Variants in XYLT2 observed in about 807,000 individuals in gnomAD.
XYLT2 encodes xylosyltransferase 2, also known as UDP-D-xylose:proteoglycan core protein beta-D-xylosyltransferase.
XYLT2 carries 37 observed loss-of-function variants against 82.6 expected under a neutral mutation model. The ratio of observed to expected loss-of-function variants is 0.45; its 90% CI spans 0.34 to 0.59. The LOEUF (loss-of-function observed/expected upper bound fraction) is 0.59, where lower values mean the gene tolerates loss of function less well. XYLT2 is among the 20% of genes least tolerant of loss of function. The pLI, the probability that XYLT2 is intolerant of heterozygous loss-of-function variation, is 0.01. For synonymous variants in XYLT2, 474 were observed against 499.0 expected (o/e 0.95, Z 0.67); for missense variants, 934 against 1,181.3 (o/e 0.79, Z 3.07).
chr17:50,358,442 C>T lies in XYLT2; in HGVS notation c.2177C>T (p.Pro726Leu). The T allele has an allele frequency of 6.2e-7, 1 of 1,614,176 alleles. No homozygotes were observed. The highest frequency in any genetic ancestry group is 8.5e-7 in the Non-Finnish European group (1 of 1,180,044). The change falls in exon 10 of 11, where the codon CCC (proline) becomes CTC (leucine). Residue 726 changes from proline (P) to leucine (L), a missense_variant. Pro to Leu is a moderately conservative substitution (Grantham distance 98). This residue lies in a region of XYLT2 where 374 missense variants were observed against 465.6 expected (regional missense o/e 0.80). Coordinates refer to ENST00000017003, the MANE Select transcript of XYLT2 (RefSeq NM_022167.4). ...PPLSRPLRPGPWTVRLLQFWE... is the reference protein window; with the variant it reads ...PPLSRPLRPGLWTVRLLQFWE... ...CTGAGCCGGCCCCTGCGGCCAGGGCCCTGGACTGTTCGACTCCTTCAGTTC... is the reference window on the plus strand; with the variant it reads ...CTGAGCCGGCCCCTGCGGCCAGGGCTCTGGACTGTTCGACTCCTTCAGTTC...
chr17:50,347,589 G>A (rs998743816), intron 1 of XYLT2, among the ~76,000 whole-genome samples: 12 of 152,212 alleles, frequency 7.9e-5, no homozygotes, highest in Non-Finnish European at 1.3e-4. Flanking sequence ...TTCCAAGATG[G>A]AATGGGCTGC....
Position 50,357,192 on chromosome 17 carries a change from C to G in XYLT2, c.1881C>G (p.Pro627=), listed in dbSNP as rs1912579606. 4 of 1,611,456 alleles carry G rather than the reference C, an allele frequency of 2.5e-6. No individual in the cohort carries two copies. The highest frequency in any genetic ancestry group is 3.4e-6 in the Non-Finnish European group (4 of 1,179,740). ...PAETLEMWLM[P]QGSLKLLGRS... Reference sequence around the variant, plus strand: ...AGACGCTTGAGATGTGGCTGATGCCCCAAGGGTCGCTGAAGCTGTTGGGGC... The same window carrying G: ...AGACGCTTGAGATGTGGCTGATGCCGCAAGGGTCGCTGAAGCTGTTGGGGC... Residue 627 remains proline, a synonymous_variant, in exon 9 of 11, where the codon CCC becomes CCG. Transcript: ENST00000017003.
Position 50,358,487 on chromosome 17 carries a change from C to T in XYLT2, c.2222C>T (p.Thr741Ile), listed in dbSNP as rs1320313298. The T allele has an allele frequency of 2.5e-6, 4 of 1,614,036 alleles. No homozygotes were observed. Among genetic ancestry groups the T allele is most frequent in the Non-Finnish European group, 3.4e-6 (4 of 1,180,018 alleles). ...CAGTTCTGGGAACCGCTGGGTGAGA[C>T]CCGCTTCCTTGTGCTGCCCTTGACC... ...LLQFWEPLGE[T>I]RFLVLPLTFN... is the part of the protein sequence containing the mutation. Residue 741 changes from threonine to isoleucine, a missense_variant, in exon 10 of 11, where the codon ACC (threonine) becomes ATC (isoleucine). This residue lies in a region of XYLT2 where 374 missense variants were observed against 465.6 expected (regional missense o/e 0.80). Coordinates refer to ENST00000017003, the MANE Select transcript of XYLT2 (RefSeq NM_022167.4).
Position 50,353,799 on chromosome 17 carries a change from G to T in XYLT2, c.305G>T (p.Arg102Leu). The change falls in exon 2 of 11, where the codon CGG becomes CTG. Residue 102 changes from arginine to leucine, a missense_variant. By Grantham distance (102) the Arg-to-Leu change is moderately radical. Coordinates refer to ENST00000017003, the MANE Select transcript of XYLT2 (RefSeq NM_022167.4). ...AAGGTGGTACGGGCAGTAACCAGCC[G>T]GCAGAGAGCCAGCCGGCGGGTCCCA... is the stretch of plus-strand genomic sequence containing the variant. ...VAKVVRAVTS[R>L]QRASRRVPPA... is the part of the protein sequence containing the mutation. 6.4e-7 allele frequency: 1 copy of T among 1,569,106 alleles called. No homozygotes were observed. Among genetic ancestry groups the T allele is most frequent in the Non-Finnish European group, 8.6e-7 (1 of 1,157,786 alleles).
rs1912728072 is a variant in XYLT2, at chr17:50,359,963, C to T, written c.2276-6C>T. ...GGTGTGCTTACTGCCTGCTCTGCACCCACAGATGATGCCAGCTGGCTGCAC... is the reference window on the plus strand; with the variant it reads ...GGTGTGCTTACTGCCTGCTCTGCACTCACAGATGATGCCAGCTGGCTGCAC... On this transcript the variant is annotated splice_polypyrimidine_tract_variant and splice_region_variant and intron_variant, in intron 10 of 10. Coordinates refer to ENST00000017003, the MANE Select transcript of XYLT2 (RefSeq NM_022167.4). 6.3e-7 allele frequency: 1 copy of T among 1,584,526 alleles called. No individual in the cohort carries two copies.
chr17:50,360,396 C>A lies in XYLT2; in HGVS notation c.*105C>A. ...AAGAACCAGAGGCCCAGGCTGCACA[C>A]CCATTTCAGCCATCAAGAACCCACA... On this transcript the variant is annotated 3_prime_UTR_variant, in exon 11 of 11. Transcript: ENST00000017003. 2 of 1,438,444 alleles carry A rather than the reference C, an allele frequency of 1.4e-6. No individual in the cohort carries two copies. Among genetic ancestry groups the A allele is most frequent in the Admixed American group, 2.9e-5 (1 of 34,850 alleles). 89.1% of individuals were successfully genotyped at this position (1,438,444 alleles called of 1,614,324 possible).
At chr17:50,357,874 C>T (rs754385039) in intron 9 of XYLT2, 15 of 296,186 alleles carry the variant, frequency 5.1e-5, no homozygotes, top group Non-Finnish European at 8.2e-5. Flanking sequence ...GCCACCGCGC[C>T]TGGCCCCTCC....
At position 50,356,797 on chromosome 17, in the gene XYLT2, G is replaced by A; in HGVS notation, c.1745+24G>A. On this transcript the variant is annotated intron_variant, in intron 8 of 10. Transcript: ENST00000017003. The stretch of plus-strand genomic sequence containing the variant: ...AGGTGAGACCCCCTTCTGACATACA[G>A]CAGGCCCTTGGGGTGTGGTGCCCTA... 3 of 1,589,652 alleles carry A rather than the reference G, an allele frequency of 1.9e-6. No homozygotes were observed. In the Admixed American group the frequency reaches 5.0e-5, roughly 27 times the overall value.
At chr17:50,359,039 C>G (rs1379726729) in intron 10 of XYLT2, 1 of 156,512 alleles carries the variant, frequency 6.4e-6, no homozygotes, top group African/African-American at 2.4e-5. Context: ...CCTGTCCTGT[C>G]TCTATGCATT....
intron 2 of XYLT2, 42 bp from the exon 3 acceptor site, chr17:50,354,366 G>T: frequency 6.4e-7 from 1 of 1,563,716 alleles, no homozygotes; most frequent in South Asian, 1.2e-5. Context: ...CCCACCCTGT[G>T]ACCTAGGGTG....
intron 1 of XYLT2, among the ~76,000 whole-genome samples, chr17:50,347,321 C>T (rs1912084969): frequency 6.6e-6 from 1 of 152,224 alleles, no homozygotes; most frequent in Admixed American, 6.5e-5. Context: ...CCCGCGACCC[C>T]TTACCGCATC....
chr17:50,351,370 C>T (rs1255265569), intron 1 of XYLT2, among the ~76,000 whole-genome samples: 2 of 152,174 alleles, frequency 1.3e-5, no homozygotes, highest in Non-Finnish European at 2.9e-5. Context: ...GGCGCAGTGG[C>T]TCACATCTGT....
chr17:50,350,342 G>C (rs1912209548), intron 1 of XYLT2, among the ~76,000 whole-genome samples: 2 of 106,024 alleles, frequency 1.9e-5, no homozygotes, highest in African/African-American at 6.3e-5. Context: ...AAGGTTTGTG[G>C]ATCACTTGAG....
Position 50,355,806 on chromosome 17 carries a change from C to T in XYLT2, c.1114C>T (p.Arg372Trp), listed in dbSNP as rs1400942917. The T allele has an allele frequency of 2.5e-6, 4 of 1,614,102 alleles. No individual in the cohort carries two copies. The highest frequency in any genetic ancestry group is 2.7e-5 in the African/African-American group (2 of 74,950). ...GTTCATCAAGAAACAGGGCCTGGAC[C>T]GGCTCTTCCATGAGTGCGACTCACA... The part of the protein sequence containing the change: ...SRFIKKQGLD[R>W]LFHECDSHMW... Residue 372 changes from arginine to tryptophan, a missense_variant, in exon 6 of 11, where the codon CGG becomes TGG. Arg to Trp is a moderately radical substitution (Grantham distance 101, BLOSUM62 -3). Around this residue, in one of 3 missense-constraint regions of XYLT2, gnomAD observed 189 missense variants for 320.8 expected, o/e 0.59. Transcript: ENST00000017003.
chr17:50,353,136 T>C (rs1032633381), intron 1 of XYLT2, among the ~76,000 whole-genome samples: 4 of 152,124 alleles, frequency 2.6e-5, no homozygotes, highest in African/African-American at 9.7e-5. Flanking sequence ...CCTCCTTCGC[T>C]GTGAGGTGGC....
At position 50,346,725 on chromosome 17, in the gene XYLT2, C is replaced by T. The variant is rs1480108234; in HGVS notation, c.135+450C>T. ...CCAAGGGACTCAGGGCGTCCTTCCC[C>T]AGCTGAGCCCGAGGGGCAGCGGCCG... is the stretch of plus-strand genomic sequence containing the variant. On this transcript the variant is annotated intron_variant, in intron 1 of 10. Transcript: ENST00000017003. The surrounding 1 kb of genome is among the most constrained non-coding windows in gnomAD (Gnocchi z 5.1). The T allele has an allele frequency of 1.0e-6, 1 of 985,372 alleles. No homozygotes were observed. The highest frequency in any genetic ancestry group is 1.2e-6 in the Non-Finnish European group (1 of 829,932). 61.0% of individuals were successfully genotyped at this position (985,372 alleles called of 1,614,324 possible).
chr17:50,355,735 C>G, intron 5 of XYLT2, 46 bp from the exon 6 acceptor site: 2 of 1,606,778 alleles, frequency 1.2e-6, no homozygotes, highest in African/African-American at 2.7e-5. Context: ...AGAGCTTAGA[C>G]CCCACCCTGC....
In XYLT2 at chr17:50,360,499, G is replaced by A. The variant is rs140413577; in HGVS notation, c.*208G>A. ...GGGATCAGAGGGCTGGCGGGAACGC[G>A]AGAAGGGCACCAGCAGCATTCCACA... On this transcript the variant is annotated 3_prime_UTR_variant, in exon 11 of 11. Transcript: ENST00000017003. The A allele has an allele frequency of 7.4e-3, 9,561 of 1,290,544 alleles. 49 individuals carry two copies. The highest frequency in any genetic ancestry group is 0.025 in the Middle Eastern group (87 of 3,414). The allele number at this position is 1,290,544 out of a possible 1,614,324, so 79.9% of individuals were successfully genotyped here.
At position 50,361,083 on chromosome 17, in the gene XYLT2, G is replaced by A; in HGVS notation, c.*792G>A. On this transcript the variant is annotated 3_prime_UTR_variant, in exon 11 of 11. Transcript: ENST00000017003. ...GTCAAGACTCTCAGAAGAACCTGGAGTAATTGTGCCTGAAGCTCAGCGTGA... is the reference window on the plus strand; with the variant it reads ...GTCAAGACTCTCAGAAGAACCTGGAATAATTGTGCCTGAAGCTCAGCGTGA... 1.3e-5 allele frequency: 13 copies of A among 985,954 alleles called. No homozygotes were observed. Among genetic ancestry groups the A allele is most frequent in the Non-Finnish European group, 1.6e-5 (13 of 829,978 alleles). The allele number at this position is 985,954 out of a possible 1,614,324, so 61.1% of individuals were successfully genotyped here. A position where few individuals can be genotyped will look rare whatever the true frequency, so the allele number is the denominator to read the frequency against.
Sources: allele counts gnomAD v4.1 joint callset (sites outside exome capture counted in the v4.1 genomes callset), GRCh38; gene constraint gnomAD v4.1.1; regional missense constraint gnomAD v4.1.1; non-coding constraint Gnocchi (gnomAD v3.1); transcripts MANE v1.5; gene names NCBI Gene and HGNC (gene_info 2026-07-23, HGNC 2026-07-21).